Variants in TTC28 observed in about 807,000 individuals in gnomAD.
TTC28 encodes the protein tetratricopeptide repeat domain 28, also known as tetratricopeptide repeat protein 28.
Under a neutral mutation model 198.0 loss-of-function variants are expected in TTC28, and 61 were observed. The observed-to-expected ratio is 0.31, with a 90% confidence interval of 0.25 to 0.38. The LOEUF (loss-of-function observed/expected upper bound fraction) is 0.38, where lower values mean the gene tolerates loss of function less well. TTC28 is among the 10% of genes least tolerant of loss of function. TTC28 has a pLI of 1.00. For synonymous variants in TTC28, 1,171 were observed against 1,297.8 expected (o/e 0.90, Z 2.10); for missense variants, 2,678 against 3,164.0 (o/e 0.85, Z 3.69).
At chr22:28,567,158 C>G (rs569631549) in intron 2 of TTC28, among the ~76,000 whole-genome samples, 1 of 145,854 alleles carries the variant, frequency 6.9e-6, no homozygotes, top group African/African-American at 2.5e-5. Flanking sequence ...GAGATTGCAG[C>G]GAGCCAAGAT....
intron 12 of TTC28, among the ~76,000 whole-genome samples, chr22:28,034,111 A>G (rs1939237782): frequency 6.6e-6 from 1 of 152,218 alleles, no homozygotes; most frequent in Non-Finnish European, 1.5e-5. Flanking sequence ...ATTTAGTCTC[A>G]TGGCCTGATT....
At chr22:28,616,879 T>A (rs1253642087) in intron 2 of TTC28, among the ~76,000 whole-genome samples, 1 of 151,768 alleles carries the variant, frequency 6.6e-6, no homozygotes, top group Admixed American at 6.6e-5. Flanking sequence ...TCAGGTGTAA[T>A]CAGTGAACAA....
chr22:28,485,434 T>C (rs562343912), intron 2 of TTC28, among the ~76,000 whole-genome samples: 1 of 152,164 alleles, frequency 6.6e-6, no homozygotes, highest in African/African-American at 2.4e-5. Context: ...TTTGCCTAAT[T>C]CCTACTTCAC....
At chr22:28,251,234 G>C (rs561296827) in intron 5 of TTC28, among the ~76,000 whole-genome samples, 8 of 152,162 alleles carry the variant, frequency 5.3e-5, no homozygotes, top group Non-Finnish European at 1.2e-4. Context: ...ACACAGATGG[G>C]AACGATAAAA....
chr22:28,145,855 C>T (rs2147000727), intron 6 of TTC28, among the ~76,000 whole-genome samples: 1 of 152,242 alleles, frequency 6.6e-6, no homozygotes, highest in East Asian at 1.9e-4. Flanking sequence ...GTTCTAAGGG[C>T]TTTATACATA....
intron 2 of TTC28, among the ~76,000 whole-genome samples, chr22:28,428,763 C>G (rs565194228): frequency 1.3e-5 from 2 of 151,966 alleles, no homozygotes; most frequent in Admixed American, 6.6e-5. Context: ...CTCAGCCTCC[C>G]GAGTAGCTGG....
intron 2 of TTC28, among the ~76,000 whole-genome samples, chr22:28,339,236 G>T (rs1601654917): frequency 6.6e-6 from 1 of 152,152 alleles, no homozygotes; most frequent in Admixed American, 6.5e-5. Context: ...GTTGCTCCCT[G>T]ATCGTTCCTC....
Position 28,552,936 on chromosome 22 carries a change from G to A in TTC28, c.381+76616C>T, listed in dbSNP as rs186702484. ...CGAGTGCCTGTGATTGCAGGCGCGC[G>A]CCACCATGCCTGACTGGTTTTCGTA... On this transcript the variant is annotated intron_variant, in intron 2 of 22. Transcript: ENST00000397906. Among the ~76,000 whole-genome samples, 1,211 of 152,212 alleles carry A rather than the reference G, an allele frequency of 8.0e-3. 7 individuals carry two copies. Among genetic ancestry groups the A allele is most frequent in the Non-Finnish European group, 8.9e-3 (606 of 68,002 alleles).
intron 2 of TTC28, among the ~76,000 whole-genome samples, chr22:28,533,422 TG>T (rs543444822): frequency 9.5e-4 from 145 of 152,276 alleles, no homozygotes; most frequent in African/African-American, 2.7e-3. Context: ...CACAAACAAA[TG>T]GAAGAACATT....
intron 2 of TTC28, among the ~76,000 whole-genome samples, chr22:28,497,320 T>C (rs1277900682): frequency 1.3e-5 from 2 of 152,122 alleles, no homozygotes; most frequent in Non-Finnish European, 2.9e-5. Flanking sequence ...ACAAAATAAA[T>C]TATTTCTTAA....
chr22:28,433,983 T>A (rs1365326612), intron 2 of TTC28, among the ~76,000 whole-genome samples: 1 of 152,246 alleles, frequency 6.6e-6, no homozygotes. Context: ...AAAGGTCACT[T>A]ATTTAACTAC....
intron 2 of TTC28, among the ~76,000 whole-genome samples, chr22:28,427,480 G>A (rs1215236565): frequency 6.6e-6 from 1 of 152,054 alleles, no homozygotes; most frequent in African/African-American, 2.4e-5. Flanking sequence ...GCGAAACCCC[G>A]TCTCTACTAA....
intron 5 of TTC28, among the ~76,000 whole-genome samples, chr22:28,254,643 C>T (rs1388097943): frequency 1.3e-5 from 2 of 152,068 alleles, no homozygotes; most frequent in African/African-American, 4.8e-5. Flanking sequence ...GATGTGGACT[C>T]CCTCCCACTA....
At chr22:28,016,738 C>A (rs999195845) in intron 13 of TTC28, among the ~76,000 whole-genome samples, 8 of 152,212 alleles carry the variant, frequency 5.3e-5, no homozygotes, top group African/African-American at 1.9e-4. Context: ...GAGAAAGAGA[C>A]CCCAGCTCTA....
chr22:28,015,979 G>T (rs1331751587), intron 13 of TTC28, among the ~76,000 whole-genome samples: 1 of 151,982 alleles, frequency 6.6e-6, no homozygotes, highest in Non-Finnish European at 1.5e-5. Flanking sequence ...TCAGTGATGT[G>T]TTTTCCAGGT....
At chr22:28,343,844 T>C (rs2145913848) in intron 2 of TTC28, among the ~76,000 whole-genome samples, 1 of 152,322 alleles carries the variant, frequency 6.6e-6, no homozygotes, top group Middle Eastern at 3.4e-3. Context: ...TAGTAAAAAC[T>C]TGGATTAACC....
At chr22:28,187,077 A>T (rs1453133779) in intron 5 of TTC28, among the ~76,000 whole-genome samples, 1 of 152,164 alleles carries the variant, frequency 6.6e-6, no homozygotes, top group Non-Finnish European at 1.5e-5. Context: ...AAATTCTAAG[A>T]TTACTCTACT....
chr22:28,371,509 C>CAAAAAAAAAAAAA lies in TTC28; in HGVS notation c.382-64879_382-64867dup, dbSNP rs1229801209. 0.014 allele frequency among the ~76,000 whole-genome samples: 84 copies of CAAAAAAAAAAAAA among 6,102 alleles called. 25 individuals carry two copies. The South Asian group carries it at 0.23, about 17-fold the overall frequency. 4.0% of individuals were successfully genotyped at this position (6,102 alleles called of 152,430 possible). ...TGGGCAACAGAGTGAGACCCTGTCT[C>CAAAAAAAAAAAAA]AAAAAAAAAAAAAAAAAAAAGAGTT... is the stretch of plus-strand genomic sequence containing the variant. On this transcript the variant is annotated intron_variant, in intron 2 of 22. Coordinates refer to ENST00000397906, the MANE Select transcript of TTC28 (RefSeq NM_001145418.2).
Position 28,111,222 on chromosome 22 carries a change from C to G in TTC28, c.1442-2819G>C, listed in dbSNP as rs148196593. Among the ~76,000 whole-genome samples, 11 of 152,076 alleles carry G rather than the reference C, an allele frequency of 7.2e-5. No individual in the cohort carries two copies. In the East Asian group the frequency reaches 2.1e-3, roughly 29 times the overall value. ...TTGGTTTAAAAACAGTATTTTTGGA[C>G]TCCAATCCAGTAAGAAAGTAATATT... On this transcript the variant is annotated intron_variant, in intron 6 of 22. Transcript: ENST00000397906.
Sources: allele counts gnomAD v4.1 joint callset (sites outside exome capture counted in the v4.1 genomes callset), GRCh38; gene constraint gnomAD v4.1.1; transcripts MANE v1.5; gene names NCBI Gene and HGNC (gene_info 2026-07-23, HGNC 2026-07-21).